Variants in AUNIP observed in about 807,000 individuals in gnomAD.
AUNIP encodes the protein aurora kinase A- and ninein-interacting protein.
Under a neutral mutation model 12.2 loss-of-function variants are expected in AUNIP, and 16 were observed. That is an observed-to-expected ratio of 1.31 (90% CI 0.88 to 1.99). The LOEUF is 1.99. Ranked by LOEUF, AUNIP falls within the 30% of genes most tolerant of loss-of-function variation. AUNIP has a pLI of 0.00. For synonymous variants in AUNIP, 142 were observed against 154.8 expected, an observed-to-expected ratio of 0.92 and a Z score of 0.61; for missense variants, 411 against 419.1, an observed-to-expected ratio of 0.98 and a Z score of 0.17.
intron 1 of AUNIP, among the ~76,000 whole-genome samples, chr1:25,852,184 G>C (rs2048427893): frequency 6.6e-6 from 1 of 151,740 alleles, no homozygotes; most frequent in Non-Finnish European, 1.5e-5. Flanking sequence ...GAACTCCTGG[G>C]TTCAGGGGAT....
intron 1 of AUNIP, among the ~76,000 whole-genome samples, chr1:25,849,708 ACTGCAACCTCTGCCTC>A (rs2048413311): frequency 6.6e-6 from 1 of 152,204 alleles, no homozygotes; most frequent in Admixed American, 6.5e-5. Flanking sequence ...ATCTTGGCTC[ACTGCAACCTCTGCCTC>A]CTGGGTTCAA....
chr1:25,848,590 G>A (rs554472039), intron 1 of AUNIP, among the ~76,000 whole-genome samples: 1 of 150,900 alleles, frequency 6.6e-6, no homozygotes, highest in South Asian at 2.1e-4. Flanking sequence ...GGAGTGTTTT[G>A]TTTTGTTTTT....
intron 1 of AUNIP, among the ~76,000 whole-genome samples, chr1:25,846,931 A>G (rs1215999936): frequency 6.6e-6 from 1 of 152,234 alleles, no homozygotes; most frequent in African/African-American, 2.4e-5. Context: ...TATAAAAGAA[A>G]GACGACCATT....
intron 1 of AUNIP, among the ~76,000 whole-genome samples, chr1:25,846,635 A>G (rs908425972): frequency 7.2e-5 from 11 of 152,132 alleles, no homozygotes; most frequent in Non-Finnish European, 1.2e-4. Context: ...AGACGGGAGA[A>G]TTGCTTGAAC....
In AUNIP at chr1:25,859,398, C is replaced by G; in HGVS notation, c.-41G>C. On this transcript the variant is annotated 5_prime_UTR_variant, in exon 1 of 3. Transcript: ENST00000374298. ...GAAGCCGGCAGGACGCCGGCGCAGGCTCCCGGCGCCTCAGGGAACGCCAGA... is the reference window on the plus strand; with the variant it reads ...GAAGCCGGCAGGACGCCGGCGCAGGGTCCCGGCGCCTCAGGGAACGCCAGA... 6.8e-7 allele frequency: 1 copy of G among 1,467,808 alleles called. No homozygotes were observed. The highest frequency in any genetic ancestry group is 2.8e-5 in the East Asian group (1 of 35,234). 90.9% of individuals were successfully genotyped at this position (1,467,808 alleles called of 1,614,324 possible). A position where few individuals can be genotyped will look rare whatever the true frequency, so the allele number is the denominator to read the frequency against.
downstream of AUNIP, chr1:25,833,041 G>C (rs1410766892): frequency 6.6e-6 from 1 of 152,116 alleles, no homozygotes; most frequent in African/African-American, 2.4e-5. Context: ...CAGGCTACTG[G>C]CTTCTCCTCT....
At chr1:25,856,535 C>T (rs965217680) in intron 1 of AUNIP, among the ~76,000 whole-genome samples, 2 of 151,452 alleles carry the variant, frequency 1.3e-5, no homozygotes, top group African/African-American at 4.9e-5. Flanking sequence ...TTCACCTGGG[C>T]AAGGTGGTGC....
chr1:25,849,366 T>G (rs2124509838), intron 1 of AUNIP, among the ~76,000 whole-genome samples: 1 of 152,332 alleles, frequency 6.6e-6, no homozygotes, highest in African/African-American at 2.4e-5. Context: ...TTTAGAACAG[T>G]TCTCATTTCC....
At chr1:25,856,599 CAGG>C (rs1291055734) in intron 1 of AUNIP, among the ~76,000 whole-genome samples, 3 of 152,086 alleles carry the variant, frequency 2.0e-5, no homozygotes, top group African/African-American at 7.2e-5. Flanking sequence ...TGCTTGAACC[CAGG>C]AGGTGGAGGT....
intron 1 of AUNIP, among the ~76,000 whole-genome samples, chr1:25,850,409 TTTCTAG>T: frequency 6.6e-6 from 1 of 152,308 alleles, no homozygotes; most frequent in Non-Finnish European, 1.5e-5. Flanking sequence ...TGTTTTGGCT[TTTCTAG>T]ATCCCTCGGA....
intron 1 of AUNIP, among the ~76,000 whole-genome samples, chr1:25,851,593 C>T (rs796943000): frequency 1.3e-5 from 2 of 152,272 alleles, no homozygotes; most frequent in African/African-American, 4.8e-5. Context: ...CAGAAGTAAA[C>T]CCTTACATTT....
downstream of AUNIP, chr1:25,833,999 C>G (rs1459661425): frequency 5.1e-6 from 5 of 979,096 alleles, no homozygotes; most frequent in Non-Finnish European, 6.1e-6. Context: ...CCAATTATCA[C>G]AAGAGCCACT....
At chr1:25,858,614 T>G (rs1372489853) in intron 1 of AUNIP, among the ~76,000 whole-genome samples, 1 of 152,238 alleles carries the variant, frequency 6.6e-6, no homozygotes, top group Non-Finnish European at 1.5e-5. Flanking sequence ...GTGACAGACC[T>G]GAATGTGATT....
At chr1:25,852,113 A>C (rs529340393) in intron 1 of AUNIP, among the ~76,000 whole-genome samples, 3 of 151,662 alleles carry the variant, frequency 2.0e-5, no homozygotes, top group Admixed American at 1.3e-4. Context: ...CCACCACATC[A>C]GGCTAATTTT....
chr1:25,848,152 A>C (rs894054034), intron 1 of AUNIP, among the ~76,000 whole-genome samples: 1 of 152,048 alleles, frequency 6.6e-6, no homozygotes, highest in Non-Finnish European at 1.5e-5. Context: ...GCCTTCCATC[A>C]ATTTCCAACA....
chr1:25,845,991 C>A (rs1358485727), intron 1 of AUNIP, among the ~76,000 whole-genome samples: 1 of 152,138 alleles, frequency 6.6e-6, no homozygotes, highest in Non-Finnish European at 1.5e-5. Flanking sequence ...TTCTCGAGCA[C>A]CACTCTGTAT....
rs2048285833 is a variant in AUNIP at position 25,834,758 on chromosome 1, G to C, written c.*235C>G. 15 of 1,387,936 alleles carry C rather than the reference G, an allele frequency of 1.1e-5. No individual in the cohort carries two copies. The South Asian group carries it at 2.5e-4, about 23-fold the overall frequency. 86.0% of individuals were successfully genotyped at this position (1,387,936 alleles called of 1,614,324 possible). A position where few individuals can be genotyped will look rare whatever the true frequency, so the allele number is the denominator to read the frequency against. On this transcript the variant is annotated 3_prime_UTR_variant, in exon 3 of 3. Transcript: ENST00000374298. ...CTGTGCTGCCTCAGTGTTCATCATA[G>C]ACTCATTCAGGGAATTTACCAGCCA...
rs768816304 is a variant in AUNIP at position 25,859,349 on chromosome 1, C to A, written c.9G>T (p.Arg3=). Residue 3 remains arginine, a synonymous_variant, in exon 1 of 3, where the codon CGG becomes CGT. Transcript: ENST00000374298. MR[R]TGPEEEACGV... is the part of the protein sequence containing the mutation. ...CGCAGGCCTCCTCCTCGGGGCCTGT[C>A]CGCCTCATGGCCGCTGAGGAGACGA... The A allele has an allele frequency of 1.3e-6, 2 of 1,544,524 alleles. No homozygotes were observed. The highest frequency in any genetic ancestry group is 2.5e-5 in the East Asian group (1 of 40,200).
intron 1 of AUNIP, among the ~76,000 whole-genome samples, chr1:25,842,452 A>C (rs2048353258): frequency 6.6e-6 from 1 of 152,262 alleles, no homozygotes; most frequent in African/African-American, 2.4e-5. Flanking sequence ...CCTATAACAT[A>C]AAAAGTACAG....
Sources: gnomAD v4.1 joint callset for allele counts (sites outside exome capture counted in the v4.1 genomes callset) on GRCh38, gnomAD v4.1.1 for gene constraint, MANE v1.5 for transcripts, NCBI Gene and HGNC (gene_info 2026-07-23, HGNC 2026-07-21) for gene names.